Variants in RTL4 observed in about 807,000 individuals in gnomAD.
RTL4 encodes the protein retrotransposon Gag-like protein 4.
Under a neutral mutation model 5.3 loss-of-function variants are expected in RTL4, and 4 were observed. The ratio of observed to expected loss-of-function variants is 0.75; its 90% CI spans 0.37 to 1.72. The LOEUF is 1.72. RTL4 is among the 40% of genes most tolerant of loss of function. The pLI, the probability that RTL4 is intolerant of heterozygous loss-of-function variation, is 0.04. For missense variants in RTL4, 260 were observed against 227.1 expected (o/e 1.14, Z -0.93); for synonymous variants, 98 against 87.3 (o/e 1.12, Z -0.68).
At chrX:112,229,707 G>A in the RTL4 span, among the ~76,000 whole-genome samples, 1 of 112,029 alleles carries the variant, frequency 8.9e-6, no homozygotes, top group African/African-American at 3.2e-5. Flanking sequence ...ATGGGTTTTT[G>A]GTGTGGATGT....
At chrX:112,263,503 C>G in the RTL4 span, among the ~76,000 whole-genome samples, 1 of 112,170 alleles carries the variant, frequency 8.9e-6, no homozygotes, top group African/African-American at 3.2e-5. Flanking sequence ...CACTGTTTTA[C>G]TCTCTGCTTC....
chrX:112,223,959 T>C, the RTL4 span, among the ~76,000 whole-genome samples: 1 of 112,075 alleles, frequency 8.9e-6, no homozygotes. Context: ...CACTCTTTGG[T>C]CTCTCCTGGT....
the RTL4 span, among the ~76,000 whole-genome samples, chrX:112,286,086 G>A: frequency 2.7e-5 from 3 of 111,515 alleles, no homozygotes; most frequent in Non-Finnish European, 5.7e-5. Context: ...AGAGAGTGAT[G>A]GGGAGGATAC....
the RTL4 span, among the ~76,000 whole-genome samples, chrX:112,231,262 G>T: frequency 8.1e-3 from 899 of 110,336 alleles, 8 homozygotes; most frequent in African/African-American, 0.028. Flanking sequence ...CTGCTATAAA[G>T]ACACATGCAC....
chrX:112,109,466 C>T, the RTL4 span, among the ~76,000 whole-genome samples: 1 of 111,392 alleles, frequency 9.0e-6, no homozygotes, highest in Non-Finnish European at 1.9e-5. Context: ...CTTATTTGTC[C>T]CCACCCACCT....
the RTL4 span, among the ~76,000 whole-genome samples, chrX:112,328,991 T>C: frequency 3.6e-5 from 4 of 111,620 alleles, no homozygotes; most frequent in Non-Finnish European, 3.8e-5. Context: ...CCAGAATCTC[T>C]GGGATGCATT....
the RTL4 span, among the ~76,000 whole-genome samples, chrX:112,416,656 C>T: frequency 8.9e-6 from 1 of 112,118 alleles, no homozygotes; most frequent in African/African-American, 3.2e-5. Flanking sequence ...TCAGGCAAGG[C>T]TTAGGTTGAG....
chrX:112,135,578 A>G, the RTL4 span, among the ~76,000 whole-genome samples: 3 of 110,892 alleles, frequency 2.7e-5, no homozygotes. Flanking sequence ...ATGGTTTATA[A>G]TGTACCTAAG....
the RTL4 span, among the ~76,000 whole-genome samples, chrX:112,263,996 C>T: frequency 9.0e-6 from 1 of 111,297 alleles, no homozygotes; most frequent in Non-Finnish European, 1.9e-5. Context: ...GGTGTGGTTG[C>T]TGGATAAGAA....
the RTL4 span, among the ~76,000 whole-genome samples, chrX:112,395,524 A>T: frequency 8.9e-6 from 1 of 111,782 alleles, no homozygotes; most frequent in Admixed American, 9.5e-5. Flanking sequence ...TATATTACTT[A>T]ATAAATAAAA....
At chrX:112,242,080 G>C in the RTL4 span, among the ~76,000 whole-genome samples, 3 of 111,895 alleles carry the variant, frequency 2.7e-5, no homozygotes, top group Non-Finnish European at 3.8e-5. Context: ...CCAGTACCAT[G>C]CTGTTTTGGT....
chrX:112,161,836 C>CTTTCTTTCTTTCTTT, the RTL4 span, among the ~76,000 whole-genome samples: 322 of 35,012 alleles, frequency 9.2e-3, 21 homozygotes, highest in Middle Eastern at 0.014. Flanking sequence ...TTCCTTCCTT[C>CTTTCTTTCTTTCTTT]CTTCCTTCCT....
the RTL4 span, among the ~76,000 whole-genome samples, chrX:112,134,457 T>G: frequency 2.7e-5 from 3 of 112,494 alleles, no homozygotes; most frequent in African/African-American, 9.7e-5. Flanking sequence ...AGATCATTCT[T>G]ACACTCACTG....
chrX:112,353,913 T>A, the RTL4 span, among the ~76,000 whole-genome samples: 2 of 111,444 alleles, frequency 1.8e-5, no homozygotes, highest in Admixed American at 9.6e-5. Context: ...CAAATGATTT[T>A]TTTAAAATTA....
the RTL4 span, among the ~76,000 whole-genome samples, chrX:112,368,813 T>C: frequency 2.1e-4 from 24 of 112,102 alleles, no homozygotes; most frequent in African/African-American, 7.1e-4. Context: ...GGATAAGCCT[T>C]AGTGACCTGG....
At chrX:112,227,370 C>A in the RTL4 span, among the ~76,000 whole-genome samples, 2 of 111,636 alleles carry the variant, frequency 1.8e-5, no homozygotes, top group African/African-American at 6.5e-5. Flanking sequence ...GCTTGAATGG[C>A]AGCCAGCCTC....
At chrX:112,432,900 A>C in the RTL4 span, among the ~76,000 whole-genome samples, 1 of 111,970 alleles carries the variant, frequency 8.9e-6, no homozygotes, top group East Asian at 2.8e-4. Context: ...TCTTGAATTA[A>C]TTTTTGTATA....
At chrX:112,310,416 T>TA in the RTL4 span, among the ~76,000 whole-genome samples, 2 of 21,031 alleles carry the variant, frequency 9.5e-5, no homozygotes, top group Non-Finnish European at 2.0e-4. Context: ...ATATATATAT[T>TA]TAATATAATA....
At chrX:112,380,300 C>G in the RTL4 span, among the ~76,000 whole-genome samples, 1 of 110,204 alleles carries the variant, frequency 9.1e-6, no homozygotes, top group Non-Finnish European at 1.9e-5. Flanking sequence ...AAGCCCACCA[C>G]CACACCCAGC....
Sources: gnomAD v4.1 joint callset for allele counts (sites outside exome capture counted in the v4.1 genomes callset) on GRCh38, gnomAD v4.1.1 for gene constraint, MANE v1.5 for transcripts, NCBI Gene and HGNC (gene_info 2026-07-23, HGNC 2026-07-21) for gene names.